The following NBEA variants were observed in gnomAD, a reference collection of about 807,000 sequenced individuals.
NBEA encodes neurobeachin, also known as lysosomal-trafficking regulator 2.
In NBEA, 44 loss-of-function variants were observed where a neutral mutation model predicts 343.4. The observed-to-expected ratio is 0.13, with a 90% confidence interval of 0.10 to 0.16. NBEA has a LOEUF of 0.16. NBEA is among the 10% of genes least tolerant of loss of function. The pLI is 1.00. For missense variants in NBEA, 2,555 were observed against 3,631.3 expected, an observed-to-expected ratio of 0.70 and a Z score of 7.62; for synonymous variants, 1,175 against 1,238.7, an observed-to-expected ratio of 0.95 and a Z score of 1.08.
chr13:35,567,011 A>C lies in NBEA; in HGVS notation c.7029A>C (p.Leu2343=), dbSNP rs143125033. Residue 2343 remains leucine, a synonymous_variant, in exon 45 of 59, where the codon CTA becomes CTC. Coordinates refer to ENST00000379939, the MANE Select transcript of NBEA (RefSeq NM_001385012.1). The part of the protein sequence containing the change: ...DLTLPGNFRD[L]SKPIGALNPK... Reference sequence around the variant, plus strand: ...CTCTTCCAGGAAACTTCAGGGATCTATCAAAGGTAACTTTTAAATATATAG... The same window carrying C: ...CTCTTCCAGGAAACTTCAGGGATCTCTCAAAGGTAACTTTTAAATATATAG... 698 of 1,584,958 alleles carry C rather than the reference A, an allele frequency of 4.4e-4. 5 individuals are homozygous for C. In the African/African-American group the frequency reaches 8.7e-3, roughly 20 times the overall value.
chr13:35,550,605 T>C lies in NBEA; in HGVS notation c.6703+11T>C, dbSNP rs764381271. On this transcript the variant is annotated intron_variant, in intron 42 of 58. Transcript: ENST00000379939. ...TTATGGCAAACCGAAGTAAGTCCCC[T>C]TAATATTTTGAAAGAAAATGTGCTC... 3.9e-6 allele frequency: 6 copies of C among 1,534,028 alleles called. No homozygotes were observed. Among genetic ancestry groups the C allele is most frequent in the Non-Finnish European group, 5.4e-6 (6 of 1,110,098 alleles).
At chr13:35,133,729 A>T (rs2067557059) in intron 17 of NBEA, among the ~76,000 whole-genome samples, 1 of 152,098 alleles carries the variant, frequency 6.6e-6, no homozygotes, top group Admixed American at 6.5e-5. Context: ...TCAATTTCAA[A>T]AATACGTGAA....
intron 1 of NBEA, among the ~76,000 whole-genome samples, chr13:34,959,807 CAT>C (rs1164666349): frequency 6.6e-6 from 1 of 152,068 alleles, no homozygotes; most frequent in Non-Finnish European, 1.5e-5. Context: ...ATCATAATGT[CAT>C]AGCACAATGC....
chr13:35,529,012 G>T (rs574059075), intron 41 of NBEA, among the ~76,000 whole-genome samples: 1 of 152,182 alleles, frequency 6.6e-6, no homozygotes, highest in African/African-American at 2.4e-5. Flanking sequence ...ACCCTTCTTT[G>T]GATTCCTTTA....
At chr13:35,045,509 G>A (rs2062816942) in intron 4 of NBEA, 108 bp downstream of exon 4, 1 of 846,360 alleles carries the variant, frequency 1.2e-6, no homozygotes, top group African/African-American at 1.7e-5. Flanking sequence ...AGCACAACTT[G>A]ATGAGTTTGG....
chr13:35,359,182 A>G (rs1310310403), intron 38 of NBEA, among the ~76,000 whole-genome samples: 2 of 152,200 alleles, frequency 1.3e-5, no homozygotes, highest in East Asian at 3.9e-4. Context: ...CTGTTATGTG[A>G]AGACACATAT....
At chr13:35,021,456 A>G (rs1276189408) in intron 1 of NBEA, among the ~76,000 whole-genome samples, 1 of 152,122 alleles carries the variant, frequency 6.6e-6, no homozygotes. Context: ...ATTTACATTT[A>G]ATGTAATTAT....
chr13:35,433,839 T>C (rs897937344), intron 39 of NBEA, among the ~76,000 whole-genome samples: 1 of 152,088 alleles, frequency 6.6e-6, no homozygotes, highest in Non-Finnish European at 1.5e-5. Flanking sequence ...TCTGCCTACC[T>C]AGTAGTGGCA....
At chr13:35,195,361 A>C (rs542042058) in intron 30 of NBEA, among the ~76,000 whole-genome samples, 83 of 152,044 alleles carry the variant, frequency 5.5e-4, no homozygotes, top group Non-Finnish European at 8.2e-4. Context: ...ATGCTCCCTG[A>C]ACAAAATAGT....
intron 4 of NBEA, among the ~76,000 whole-genome samples, chr13:35,046,433 A>G (rs1197644994): frequency 6.6e-6 from 1 of 151,968 alleles, no homozygotes; most frequent in Non-Finnish European, 1.5e-5. Flanking sequence ...CATCCTGAAC[A>G]TTTTCAGTCT....
At chr13:35,511,416 T>C (rs2077271602) in intron 41 of NBEA, among the ~76,000 whole-genome samples, 1 of 152,194 alleles carries the variant, frequency 6.6e-6, no homozygotes, top group Admixed American at 6.5e-5. Flanking sequence ...GTAAGTACTT[T>C]AAAGTTGACT....
At chr13:35,221,780 AC>A (rs1446951194) in intron 33 of NBEA, among the ~76,000 whole-genome samples, 2 of 152,140 alleles carry the variant, frequency 1.3e-5, no homozygotes, top group Non-Finnish European at 2.9e-5. Flanking sequence ...ATAGAACCTT[AC>A]ATCATAAGGG....
At chr13:35,008,052 C>CGCTGGT (rs1481649830) in intron 1 of NBEA, among the ~76,000 whole-genome samples, 1 of 152,084 alleles carries the variant, frequency 6.6e-6, no homozygotes, top group Admixed American at 6.6e-5. Context: ...TTTTGATTTA[C>CGCTGGT]GCTGGTGCTG....
intron 48 of NBEA, among the ~76,000 whole-genome samples, chr13:35,618,470 A>G (rs933412129): frequency 6.6e-6 from 1 of 152,212 alleles, no homozygotes; most frequent in Non-Finnish European, 1.5e-5. Context: ...TATGGACAAT[A>G]ACATGTATGT....
At chr13:35,392,304 G>A (rs2042541653) in intron 38 of NBEA, among the ~76,000 whole-genome samples, 2 of 151,886 alleles carry the variant, frequency 1.3e-5, no homozygotes, top group Non-Finnish European at 2.9e-5. Context: ...AAGGAATTGT[G>A]GCATTTATTC....
chr13:35,387,086 T>C (rs993859496), intron 38 of NBEA, among the ~76,000 whole-genome samples: 1 of 152,170 alleles, frequency 6.6e-6, no homozygotes, highest in Non-Finnish European at 1.5e-5. Context: ...TTATAGAAAG[T>C]AGTTGTCAAA....
At chr13:35,485,967 C>G (rs2076289485) in intron 41 of NBEA, among the ~76,000 whole-genome samples, 1 of 152,022 alleles carries the variant, frequency 6.6e-6, no homozygotes. Context: ...TGTATTTGAA[C>G]TCTGCGTATA....
chr13:35,491,271 G>A (rs900232938), intron 41 of NBEA, among the ~76,000 whole-genome samples: 5 of 151,840 alleles, frequency 3.3e-5, no homozygotes, highest in African/African-American at 1.2e-4. Flanking sequence ...CTCAGTGCCT[G>A]AATGAGTGAA....
At chr13:35,500,193 G>T (rs1594815378) in intron 41 of NBEA, among the ~76,000 whole-genome samples, 1 of 151,990 alleles carries the variant, frequency 6.6e-6, no homozygotes, top group East Asian at 1.9e-4. Context: ...TTGTAATTTG[G>T]GCTTCATTTT....
Sources: allele counts gnomAD v4.1 joint callset (sites outside exome capture counted in the v4.1 genomes callset), GRCh38; gene constraint gnomAD v4.1.1; transcripts MANE v1.5; gene names NCBI Gene and HGNC (gene_info 2026-07-23, HGNC 2026-07-21).